FKBP4: variants seen among roughly 807,000 people sequenced by gnomAD.
The protein encoded by FKBP4 is FKBP prolyl isomerase 4.
A neutral mutation model predicts 54.1 loss-of-function variants in FKBP4; 28 were observed. That is an observed-to-expected ratio of 0.52 (90% CI 0.38 to 0.71). The LOEUF is 0.71. Ranked by LOEUF, FKBP4 falls within the 30% of genes least tolerant of loss-of-function variation. The probability of loss-of-function intolerance (pLI) is 0.00; values close to 1 mark genes in which losing one functional copy is unlikely to be tolerated. For missense variants in FKBP4, 493 were observed against 574.4 expected (o/e 0.86, Z 1.45); for synonymous variants, 223 against 216.1 (o/e 1.03, Z -0.28).
chr12:2,797,752 A>C lies in FKBP4; in HGVS notation c.274A>C (p.Ile92Leu), dbSNP rs200095319. The stretch of plus-strand genomic sequence containing the variant: ...AGGGGAGGTCATCAAGGCTTGGGAC[A>C]TTGCCATAGCCACCATGAAGGTGGG... ...GKGEVIKAWD[I>L]AIATMKVGEV... The change falls in exon 3 of 10, where the codon ATT becomes CTT. Residue 92 changes from isoleucine (I) to leucine (L), a missense_variant. Ile to Leu is a conservative substitution (Grantham distance 5, BLOSUM62 2). Transcript: ENST00000001008. The C allele has an allele frequency of 1.5e-5, 24 of 1,613,592 alleles. No homozygotes were observed. Among genetic ancestry groups the C allele is most frequent in the Non-Finnish European group, 1.9e-5 (23 of 1,179,718 alleles).
intron 1 of FKBP4, chr12:2,796,509 T>C: frequency 8.3e-7 from 1 of 1,200,024 alleles, no homozygotes; most frequent in Non-Finnish European, 1.1e-6. Context: ...GCCTTTACGT[T>C]TCTGGGAAAT....
chr12:2,799,821 A>G (rs763673074), intron 5 of FKBP4, 29 bp from the exon 6 acceptor site: 6 of 1,594,406 alleles, frequency 3.8e-6, no homozygotes, highest in East Asian at 2.2e-5. Flanking sequence ...TGTTGCCAAG[A>G]TGATACATAG....
chr12:2,796,544 G>A, intron 1 of FKBP4: 1 of 1,191,238 alleles, frequency 8.4e-7, no homozygotes, highest in Non-Finnish European at 1.1e-6. Context: ...CTAACTACCA[G>A]AGGAATACTC....
Position 2,797,156 on chromosome 12 carries a change from A to G in FKBP4, c.124A>G (p.Thr42Ala). 6.2e-7 allele frequency: 1 copy of G among 1,612,898 alleles called. No homozygotes were observed. The highest frequency in any genetic ancestry group is 1.1e-5 in the South Asian group (1 of 91,040). The change falls in exon 2 of 10, where the codon ACA becomes GCA. Residue 42 changes from threonine (T) to alanine (A), a missense_variant. Physicochemically the swap from Thr to Ala is moderately conservative, Grantham distance 58. Transcript: ENST00000001008. Reference sequence around the variant, plus strand: ...CTCCCAGGTCATCAAGAGAGAGGGCACAGGTACAGAGATGCCCATGATTGG... The same window carrying G: ...CTCCCAGGTCATCAAGAGAGAGGGCGCAGGTACAGAGATGCCCATGATTGG... ...GVLKVIKREGTGTEMPMIGDR... is the reference protein window; with the variant it reads ...GVLKVIKREGAGTEMPMIGDR...
At chr12:2,797,032 AAC>A in intron 1 of FKBP4, 104 bp from the exon 2 acceptor site, 2 of 1,505,706 alleles carry the variant, frequency 1.3e-6, no homozygotes, top group Non-Finnish European at 1.8e-6. Context: ...GAGGAGGATG[AAC>A]ACAGAGAAGT....
At position 2,801,196 on chromosome 12, in the gene FKBP4, T is replaced by C; in HGVS notation, c.1112T>C (p.Leu371Pro). ...EAHLAVNDFE[L>P]ARADFQKVLQ... ...CACCTGGCCGTGAATGACTTTGAACTGGCACGGGCTGATTTCCAGAAGGTC... is the reference window on the plus strand; with the variant it reads ...CACCTGGCCGTGAATGACTTTGAACCGGCACGGGCTGATTTCCAGAAGGTC... The change falls in exon 9 of 10, where the codon CTG becomes CCG. Residue 371 changes from leucine (L) to proline (P), a missense_variant. Physicochemically the swap from Leu to Pro is moderately conservative, Grantham distance 98. Transcript: ENST00000001008. 2 of 1,613,440 alleles carry C rather than the reference T, an allele frequency of 1.2e-6. No individual in the cohort carries two copies. Among genetic ancestry groups the C allele is most frequent in the Non-Finnish European group, 1.7e-6 (2 of 1,180,044 alleles).
intron 1 of FKBP4, chr12:2,796,624 AC>A (rs1429246770): frequency 1.7e-6 from 2 of 1,150,456 alleles, no homozygotes; most frequent in Non-Finnish European, 1.1e-6. Flanking sequence ...TTTCTTCCTT[AC>A]CTGTTTTGAA....
Position 2,798,632 on chromosome 12 carries a change from T to G in FKBP4, c.394-74T>G, listed in dbSNP as rs2097903147. 7 of 1,605,144 alleles carry G rather than the reference T, an allele frequency of 4.4e-6. No individual in the cohort carries two copies. ...GGCCTGGCAGTTAGTAGGGACTCTCTCGGATGAGAAAGATTGTGTTTCACT... is the reference window on the plus strand; with the variant it reads ...GGCCTGGCAGTTAGTAGGGACTCTCGCGGATGAGAAAGATTGTGTTTCACT... On this transcript the variant is annotated intron_variant, in intron 3 of 9. Transcript: ENST00000001008. This position sits in a 1 kb window ranked among gnomAD's most constrained non-coding sequence, Gnocchi z 4.3.
Position 2,799,935 on chromosome 12 carries a change from G to A in FKBP4, c.757G>A (p.Glu253Lys), listed in dbSNP as rs1259461362. 2.9e-5 allele frequency: 47 copies of A among 1,614,068 alleles called. No homozygotes were observed. Among genetic ancestry groups the A allele is most frequent in the Non-Finnish European group, 3.8e-5 (45 of 1,180,034 alleles). ...LKYELHLKSF[E>K]KAKESWEMNS... ...ATATGAATTACACCTCAAGAGTTTT[G>A]AAAAGGTAAGTTTGCTCAGGGTCTT... The change falls in exon 6 of 10, where the codon GAA (glutamate) becomes AAA (lysine). Residue 253 changes from glutamate to lysine, a missense_variant. Coordinates refer to ENST00000001008, the MANE Select transcript of FKBP4 (RefSeq NM_002014.4).
In FKBP4 at chr12:2,799,154, AG is replaced by A; in HGVS notation, c.586del (p.Glu196ArgfsTer48). The A allele has an allele frequency of 6.3e-7, 1 of 1,593,480 alleles. No individual in the cohort carries two copies. On this transcript the variant is annotated frameshift_variant, in exon 5 of 10. Coordinates refer to ENST00000001008, the MANE Select transcript of FKBP4 (RefSeq NM_002014.4). LOFTEE classifies it high-confidence loss of function. The part of the protein sequence containing the change: ...DQRELRFEIG[E>X]GENLDLPYGL... ...CGGGAGCTCCGCTTTGAGATTGGCGAGGGGGAGAACCTGGATCTGCCTTATG... is the reference window on the plus strand; with the variant it reads ...CGGGAGCTCCGCTTTGAGATTGGCGAGGGGAGAACCTGGATCTGCCTTATG...
At position 2,803,525 on chromosome 12, in the gene FKBP4, A is replaced by G; in HGVS notation, c.*267A>G. On this transcript the variant is annotated 3_prime_UTR_variant, in exon 10 of 10. Coordinates refer to ENST00000001008, the MANE Select transcript of FKBP4 (RefSeq NM_002014.4). ...TATATATTCATCAGAATGTTAATTT[A>G]TTTTGCTCCCTCTGTTAGGTCCATT... 2.6e-6 allele frequency: 1 copy of G among 381,492 alleles called. No homozygotes were observed. Among genetic ancestry groups the G allele is most frequent in the Non-Finnish European group, 4.9e-6 (1 of 204,462 alleles). 23.6% of individuals were successfully genotyped at this position (381,492 alleles called of 1,614,324 possible). A position where few individuals can be genotyped will look rare whatever the true frequency, so the allele number is the denominator to read the frequency against.
chr12:2,801,514 A>G, intron 9 of FKBP4, 158 bp downstream of exon 9: 4 of 1,046,450 alleles, frequency 3.8e-6, no homozygotes, highest in Non-Finnish European at 4.2e-6. Context: ...TGTTGGGGCC[A>G]GTGTTCTGTG....
At chr12:2,801,839 C>G in intron 9 of FKBP4, 1 of 293,872 alleles carries the variant, frequency 3.4e-6, no homozygotes, top group Non-Finnish European at 6.8e-6. Flanking sequence ...AGTATACAGT[C>G]AAGTCTGCCT....
Position 2,804,607 on chromosome 12 carries a change from C to G in FKBP4, c.*1349C>G, listed in dbSNP as rs1333168342. The G allele has an allele frequency of 6.6e-6, 1 of 152,452 alleles. No individual in the cohort carries two copies. The highest frequency in any genetic ancestry group is 2.4e-5 in the African/African-American group (1 of 41,458). 9.4% of individuals were successfully genotyped at this position (152,452 alleles called of 1,614,324 possible). ...ATAATCCTGGCTCCAGGCCAGAGCC[C>G]GTGTCTGCCCTCATCCCTCTCTCCT... On this transcript the variant is annotated 3_prime_UTR_variant, in exon 10 of 10. Transcript: ENST00000001008.
intron 8 of FKBP4, 37 bp downstream of exon 8, chr12:2,800,614 C>T (rs755968529): frequency 6.4e-7 from 1 of 1,550,768 alleles, no homozygotes; most frequent in Admixed American, 1.9e-5. Context: ...GCAGCATTCA[C>T]AGGCAGAGTT....
chr12:2,801,202 G>A lies in FKBP4; in HGVS notation c.1118G>A (p.Arg373Gln), dbSNP rs199617718. 2.4e-5 allele frequency: 39 copies of A among 1,613,322 alleles called. No homozygotes were observed. Among genetic ancestry groups the A allele is most frequent in the Non-Finnish European group, 2.9e-5 (34 of 1,180,050 alleles). ...GCCGTGAATGACTTTGAACTGGCAC[G>A]GGCTGATTTCCAGAAGGTCCTGCAG... is the stretch of plus-strand genomic sequence containing the variant. ...HLAVNDFELA[R>Q]ADFQKVLQLY... is the part of the protein sequence containing the mutation. Residue 373 changes from arginine to glutamine, a missense_variant, in exon 9 of 10, where the codon CGG becomes CAG. Physicochemically the swap from Arg to Gln is conservative, Grantham distance 43. Transcript: ENST00000001008.
At position 2,803,518 on chromosome 12, in the gene FKBP4, T is replaced by C. The variant is rs1236117578; in HGVS notation, c.*260T>C. On this transcript the variant is annotated 3_prime_UTR_variant, in exon 10 of 10. Coordinates refer to ENST00000001008, the MANE Select transcript of FKBP4 (RefSeq NM_002014.4). ...CCATCCATATATATTCATCAGAATG[T>C]TAATTTATTTTGCTCCCTCTGTTAG... 2.5e-6 allele frequency: 1 copy of C among 402,894 alleles called. No individual in the cohort carries two copies. Among genetic ancestry groups the C allele is most frequent in the East Asian group, 4.0e-5 (1 of 25,062 alleles). The allele number at this position is 402,894 out of a possible 1,614,324, so 25.0% of individuals were successfully genotyped here.
intron 9 of FKBP4, chr12:2,801,808 G>C (rs2153920504): frequency 1.5e-5 from 5 of 330,158 alleles, no homozygotes; most frequent in South Asian, 1.2e-4. Context: ...AATACACTTA[G>C]TTAAATTCAA....
rs2153919756 is a variant in FKBP4 at position 2,798,948 on chromosome 12, A to G, written c.514+122A>G. 3 of 1,411,824 alleles carry G rather than the reference A, an allele frequency of 2.1e-6. No homozygotes were observed. The highest frequency in any genetic ancestry group is 1.3e-5 in the South Asian group (1 of 77,258). The allele number at this position is 1,411,824 out of a possible 1,614,324, so 87.5% of individuals were successfully genotyped here. A position where few individuals can be genotyped will look rare whatever the true frequency, so the allele number is the denominator to read the frequency against. ...TGTCCATAAAATGAGGGGTTGGACC[A>G]TATTCTCTTCATATCACTCCAGATT... On this transcript the variant is annotated intron_variant, in intron 4 of 9. Transcript: ENST00000001008. This position sits in a 1 kb window ranked among gnomAD's most constrained non-coding sequence, Gnocchi z 4.3.
Sources: gnomAD v4.1 joint callset for allele counts on GRCh38, gnomAD v4.1.1 for gene constraint, Gnocchi (gnomAD v3.1) non-coding constraint, MANE v1.5 for transcripts, NCBI Gene and HGNC (gene_info 2026-07-23, HGNC 2026-07-21) for gene names.